Variants in DENND1A observed in about 807,000 individuals in gnomAD.
The protein encoded by DENND1A is DENN domain-containing protein 1A.
DENND1A carries 51 observed loss-of-function variants against 113.7 expected under a neutral mutation model. That is an observed-to-expected ratio of 0.45 (90% CI 0.36 to 0.57). The LOEUF (loss-of-function observed/expected upper bound fraction) is 0.57, where lower values mean the gene tolerates loss of function less well. Ranked by LOEUF, DENND1A falls within the 20% of genes least tolerant of loss-of-function variation. The pLI, the probability that DENND1A is intolerant of heterozygous loss-of-function variation, is 0.00. For missense variants in DENND1A, 1,258 were observed against 1,395.9 expected (o/e 0.90, Z 1.57); for synonymous variants, 565 against 570.8 (o/e 0.99, Z 0.14).
chr9:123,556,677 C>T (rs554968541), intron 13 of DENND1A, among the ~76,000 whole-genome samples: 37 of 152,358 alleles, frequency 2.4e-4, no homozygotes, highest in Non-Finnish European at 4.1e-4. Context: ...GTCACTCACC[C>T]GTTCAAGACG....
In DENND1A at chr9:123,636,845, C is replaced by T. The variant is rs368902927; in HGVS notation, c.619-6369G>A. ...CCGAGTCGCTGGGATTACAGGCATGCGCCACCATGCCCAGCTAATTTTGTA... is the reference window on the plus strand; with the variant it reads ...CCGAGTCGCTGGGATTACAGGCATGTGCCACCATGCCCAGCTAATTTTGTA... On this transcript the variant is annotated intron_variant, in intron 9 of 23. Transcript: ENST00000394215. 1.1e-3 allele frequency among the ~76,000 whole-genome samples: 168 copies of T among 151,966 alleles called. 1 individual carries two copies. Among genetic ancestry groups the T allele is most frequent in the African/African-American group, 3.9e-3 (161 of 41,426 alleles).
chr9:123,689,838 G>A (rs1414722325), intron 5 of DENND1A, among the ~76,000 whole-genome samples: 3 of 151,824 alleles, frequency 2.0e-5, no homozygotes, highest in Non-Finnish European at 4.4e-5. Context: ...GGGTGTGGTG[G>A]CGCCTGCCTG....
At chr9:123,608,246 TCAAA>T (rs1448297255) in intron 11 of DENND1A, among the ~76,000 whole-genome samples, 1 of 152,204 alleles carries the variant, frequency 6.6e-6, no homozygotes. Context: ...ATTCTCAATG[TCAAA>T]CAAACAGGTT....
intron 2 of DENND1A, among the ~76,000 whole-genome samples, chr9:123,820,605 C>T (rs1008742197): frequency 6.6e-6 from 1 of 152,160 alleles, no homozygotes; most frequent in Non-Finnish European, 1.5e-5. Context: ...TCCACAGAAG[C>T]ATGAGAGATA....
chr9:123,779,736 G>T (rs576974001), intron 3 of DENND1A, among the ~76,000 whole-genome samples: 1 of 152,234 alleles, frequency 6.6e-6, no homozygotes, highest in East Asian at 1.9e-4. Context: ...CTGAACTCAA[G>T]CGATTCACCC....
chr9:123,851,686 G>A (rs532832862), intron 2 of DENND1A, among the ~76,000 whole-genome samples: 35 of 152,300 alleles, frequency 2.3e-4, no homozygotes, highest in Middle Eastern at 3.4e-3. Flanking sequence ...ACATTTGTGG[G>A]TATGAATATT....
intron 2 of DENND1A, among the ~76,000 whole-genome samples, chr9:123,801,407 C>A (rs2132235105): frequency 6.6e-6 from 1 of 152,326 alleles, no homozygotes; most frequent in Non-Finnish European, 1.5e-5. Flanking sequence ...TAAGTGGAAT[C>A]ACTTAGCATG....
At chr9:123,386,381 CTTTTT>C (rs34797849) in intron 22 of DENND1A, among the ~76,000 whole-genome samples, 1 of 135,182 alleles carries the variant, frequency 7.4e-6, no homozygotes. Context: ...TCTTTTCTTT[CTTTTT>C]TTTTTTTTTT....
At chr9:123,467,239 C>G (rs2049033123) in intron 13 of DENND1A, among the ~76,000 whole-genome samples, 1 of 152,180 alleles carries the variant, frequency 6.6e-6, no homozygotes, top group South Asian at 2.1e-4. Flanking sequence ...CCTGGGTCCA[C>G]TGGAATTTGG....
chr9:123,473,997 T>C (rs1484701516), intron 13 of DENND1A, among the ~76,000 whole-genome samples: 12 of 135,708 alleles, frequency 8.8e-5, no homozygotes, highest in East Asian at 8.6e-4. Flanking sequence ...TTTTTTTTTT[T>C]TTTTTTTTTT....
chr9:123,667,716 AG>A (rs1477484417), intron 7 of DENND1A, among the ~76,000 whole-genome samples: 3 of 152,242 alleles, frequency 2.0e-5, no homozygotes, highest in African/African-American at 7.2e-5. Flanking sequence ...AGTGTATTCT[AG>A]GAACAAAATA....
chr9:123,867,774 G>T (rs1845987256), intron 2 of DENND1A, among the ~76,000 whole-genome samples: 3 of 152,024 alleles, frequency 2.0e-5, no homozygotes, highest in Admixed American at 2.0e-4. Context: ...CAACTCAAAA[G>T]TCATGGTTAT....
chr9:123,392,508 G>T (rs1156997385), intron 21 of DENND1A, among the ~76,000 whole-genome samples: 2 of 152,096 alleles, frequency 1.3e-5, no homozygotes, highest in Non-Finnish European at 2.9e-5. Context: ...TGGCTCCAGT[G>T]GGCAGGTGCT....
chr9:123,498,034 T>A (rs981186348), intron 13 of DENND1A, among the ~76,000 whole-genome samples: 3 of 152,150 alleles, frequency 2.0e-5, no homozygotes, highest in Non-Finnish European at 4.4e-5. Flanking sequence ...TATGCGCAAT[T>A]TTAGGGCTCA....
intron 12 of DENND1A, among the ~76,000 whole-genome samples, chr9:123,562,814 G>C (rs1440219420): frequency 6.6e-6 from 1 of 152,144 alleles, no homozygotes; most frequent in Admixed American, 6.5e-5. Context: ...CTAAGTCTGG[G>C]CCTCCTTGGA....
chr9:123,898,740 G>T (rs1851151474), intron 1 of DENND1A, among the ~76,000 whole-genome samples: 2 of 152,206 alleles, frequency 1.3e-5, no homozygotes, highest in South Asian at 2.1e-4. Flanking sequence ...AAGAGCAAAA[G>T]ACTTTAATTT....
intron 1 of DENND1A, among the ~76,000 whole-genome samples, chr9:123,913,444 AGG>A (rs1854440252): frequency 6.6e-6 from 1 of 152,198 alleles, no homozygotes; most frequent in Non-Finnish European, 1.5e-5. Flanking sequence ...TTTAACAGGA[AGG>A]TGGGAGGGAA....
rs760745117 is a variant in DENND1A, at chr9:123,769,581, G to C, written c.133-18C>G. 1.3e-5 allele frequency: 21 copies of C among 1,603,466 alleles called. No individual in the cohort carries two copies. Among genetic ancestry groups the C allele is most frequent in the Non-Finnish European group, 1.8e-5 (21 of 1,175,468 alleles). On this transcript the variant is annotated intron_variant, in intron 3 of 23. Transcript: ENST00000394215. ...AGAACTTCCTGTGGAGAGAAAGAGA[G>C]ATAATTTATACATCTAATGGGACCA...
Position 123,383,764 on chromosome 9 carries a change from C to T in DENND1A, c.1910G>A (p.Ser637Asn). 1 of 1,614,142 alleles carries T rather than the reference C, an allele frequency of 6.2e-7. No homozygotes were observed. The highest frequency in any genetic ancestry group is 8.5e-7 in the Non-Finnish European group (1 of 1,180,042). ...ASIDLLEDVFSNLDMEAALQP... is the reference protein window; with the variant it reads ...ASIDLLEDVFNNLDMEAALQP... ...CAGTGCGGCCTCCATGTCCAGGTTG[C>T]TGAAGACGTCTTCCAGAAGGTCGAT... The change falls in exon 23 of 24, where the codon AGC (serine) becomes AAC (asparagine). Residue 637 changes from serine (S) to asparagine (N), a missense_variant. Coordinates refer to ENST00000394215, the MANE Select transcript of DENND1A (RefSeq NM_001352964.2).
Sources: allele counts gnomAD v4.1 joint callset (sites outside exome capture counted in the v4.1 genomes callset), GRCh38; gene constraint gnomAD v4.1.1; transcripts MANE v1.5; gene names NCBI Gene and HGNC (gene_info 2026-07-23, HGNC 2026-07-21).